The following RNF34 variants were observed in gnomAD, a reference collection of about 807,000 sequenced individuals.
RNF34 encodes the protein ring finger protein 34, also known as E3 ubiquitin-protein ligase RNF34.
A neutral mutation model predicts 37.9 loss-of-function variants in RNF34; 12 were observed. That is an observed-to-expected ratio of 0.32 (90% CI 0.20 to 0.51). The LOEUF (loss-of-function observed/expected upper bound fraction) is 0.51. Ranked by LOEUF, RNF34 falls within the 20% of genes least tolerant of loss-of-function variation. RNF34 has a pLI of 0.97. For missense variants in RNF34, 362 were observed against 472.7 expected, an observed-to-expected ratio of 0.77 and a Z score of 2.17; for synonymous variants, 155 against 177.2, an observed-to-expected ratio of 0.87 and a Z score of 1.00.
At chr12:121,408,977 T>C (rs1195363307) in intron 1 of RNF34, among the ~76,000 whole-genome samples, 1 of 151,912 alleles carries the variant, frequency 6.6e-6, no homozygotes, top group Non-Finnish European at 1.5e-5. Context: ...GGTGACCCTT[T>C]CTTTTTTTTT....
At chr12:121,401,256 A>G (rs1361207891) in intron 1 of RNF34, among the ~76,000 whole-genome samples, 1 of 151,786 alleles carries the variant, frequency 6.6e-6, no homozygotes, top group African/African-American at 2.4e-5. Flanking sequence ...AAGAGAAGTA[A>G]TTCAAAATAC....
At position 121,400,173 on chromosome 12, in the gene RNF34, G is replaced by A. The variant is rs782732941; in HGVS notation, c.-40G>A. On this transcript the variant is annotated 5_prime_UTR_variant, in exon 1 of 6. Transcript: ENST00000361234. ...GTGTGAGGAGCTGCTATGGTGCTGAGTTTCCTGGTAGAGCCGGCCGAGCTG... is the reference window on the plus strand; with the variant it reads ...GTGTGAGGAGCTGCTATGGTGCTGAATTTCCTGGTAGAGCCGGCCGAGCTG... 41 of 1,605,154 alleles carry A rather than the reference G, an allele frequency of 2.6e-5. No individual in the cohort carries two copies. Among genetic ancestry groups the A allele is most frequent in the Non-Finnish European group, 3.3e-5 (39 of 1,177,948 alleles).
intron 1 of RNF34, chr12:121,405,257 A>G (rs1380711243): frequency 6.6e-6 from 1 of 152,172 alleles, no homozygotes; most frequent in African/African-American, 2.4e-5. Flanking sequence ...GGACTTGAAT[A>G]TTGAGGAGTT....
At chr12:121,411,208 G>A (rs1443415053) in intron 1 of RNF34, among the ~76,000 whole-genome samples, 2 of 152,122 alleles carry the variant, frequency 1.3e-5, no homozygotes, top group Non-Finnish European at 2.9e-5. Flanking sequence ...GATTACAGGT[G>A]TGAGCCACCA....
rs782736436 is a variant in RNF34, at chr12:121,417,720, C to T, written c.442C>T (p.Leu148=). 4.3e-6 allele frequency: 7 copies of T among 1,614,070 alleles called. No individual in the cohort carries two copies. The South Asian group carries it at 5.5e-5, about 13-fold the overall frequency. The change falls in exon 3 of 6, where the codon CTG becomes TTG. Residue 148 remains leucine, a synonymous_variant. Transcript: ENST00000361234. The surrounding 1 kb of genome is among the most constrained non-coding windows in gnomAD (Gnocchi z 5.0). ...REKEDLVDLV[L]CHHGLGSEDD... ...GAAAGAAGACTTGGTGGATCTAGTACTGTGCCATCATGGACTAGGCTCTGA... is the reference window on the plus strand; with the variant it reads ...GAAAGAAGACTTGGTGGATCTAGTATTGTGCCATCATGGACTAGGCTCTGA...
intron 1 of RNF34, among the ~76,000 whole-genome samples, chr12:121,400,555 C>T (rs1555279872): frequency 6.6e-6 from 1 of 152,236 alleles, no homozygotes; most frequent in Admixed American, 6.5e-5. Flanking sequence ...TCGCCTGAGC[C>T]TCGGTCCCTT....
chr12:121,421,820 T>G (rs1201101795), intron 5 of RNF34, among the ~76,000 whole-genome samples: 1 of 152,218 alleles, frequency 6.6e-6, no homozygotes, highest in African/African-American at 2.4e-5. Context: ...ACAAATCTTA[T>G]GTTCCTATCT....
chr12:121,402,648 G>A (rs1870109662), intron 1 of RNF34: 7 of 681,544 alleles, frequency 1.0e-5, no homozygotes, highest in Non-Finnish European at 1.5e-5. Flanking sequence ...ACCATTAATT[G>A]TGCTAATCTG....
At chr12:121,416,792 A>G (rs533153209) in intron 2 of RNF34, among the ~76,000 whole-genome samples, 1 of 152,364 alleles carries the variant, frequency 6.6e-6, no homozygotes, top group South Asian at 2.1e-4. Context: ...TTAGAGATTC[A>G]ACATCAAATA....
At chr12:121,404,387 C>CTTT (rs782225104) in intron 1 of RNF34, among the ~76,000 whole-genome samples, 3,254 of 65,792 alleles carry the variant, frequency 0.049, 73 homozygotes, top group East Asian at 0.062. Flanking sequence ...GTCATTTAAT[C>CTTT]TTTTTTTTTT....
intron 1 of RNF34, among the ~76,000 whole-genome samples, chr12:121,401,570 T>C (rs1209974859): frequency 6.6e-6 from 1 of 152,184 alleles, no homozygotes; most frequent in Non-Finnish European, 1.5e-5. Flanking sequence ...AGTAGCTTTA[T>C]TTCCTGAAAA....
At chr12:121,414,711 C>A (rs1385322153) in intron 1 of RNF34, among the ~76,000 whole-genome samples, 1 of 151,990 alleles carries the variant, frequency 6.6e-6, no homozygotes, top group Admixed American at 6.5e-5. Context: ...CTCGCTCTGT[C>A]GCCCAGCCTG....
intron 1 of RNF34, chr12:121,415,224 T>C (rs1425417063): frequency 7.2e-5 from 18 of 248,432 alleles, no homozygotes; most frequent in Admixed American, 6.8e-4. Flanking sequence ...TTTCAGTTGG[T>C]GTTTTGATGT....
chr12:121,422,029 C>T (rs145599445), intron 5 of RNF34, among the ~76,000 whole-genome samples: 2 of 152,336 alleles, frequency 1.3e-5, no homozygotes, highest in Admixed American at 1.3e-4. Flanking sequence ...AGGTCGTAGG[C>T]TGCTGGCTGG....
intron 5 of RNF34, among the ~76,000 whole-genome samples, chr12:121,421,327 A>G (rs2137165045): frequency 1.5e-5 from 2 of 137,066 alleles, no homozygotes; most frequent in East Asian, 4.8e-4. Context: ...ACTTGAGCCC[A>G]GGAGTTTGAG....
At position 121,418,273 on chromosome 12, in the gene RNF34, AAAAC is replaced by A. The variant is rs782430114; in HGVS notation, c.633+365_633+368del. The A allele has an allele frequency of 7.8e-5, 15 of 192,716 alleles. No individual in the cohort carries two copies. The East Asian group carries it at 9.6e-4, about 12-fold the overall frequency. 11.9% of individuals were successfully genotyped at this position (192,716 alleles called of 1,614,324 possible). A position where few individuals can be genotyped will look rare whatever the true frequency, so the allele number is the denominator to read the frequency against. On this transcript the variant is annotated intron_variant, in intron 3 of 5. Transcript: ENST00000361234. ...AGTGCACGTGTTTCAGTGACCACAG[AAAAC>A]AATCAGTAGTGTAAGTTAGCCTAAT...
At chr12:121,420,122 T>G in intron 3 of RNF34, 120 bp from the exon 4 acceptor site, 1 of 893,272 alleles carries the variant, frequency 1.1e-6, no homozygotes, top group Non-Finnish European at 1.8e-6. Context: ...GCATTCTGAA[T>G]CCAAAGATGT....
chr12:121,405,366 G>C (rs554257671), intron 1 of RNF34, among the ~76,000 whole-genome samples: 1 of 151,862 alleles, frequency 6.6e-6, no homozygotes, highest in Non-Finnish European at 1.5e-5. Context: ...CACTCAACTA[G>C]CTGGTAAGCT....
chr12:121,411,778 C>T (rs1254893215), intron 1 of RNF34, among the ~76,000 whole-genome samples: 1 of 152,088 alleles, frequency 6.6e-6, no homozygotes, highest in African/African-American at 2.4e-5. Context: ...CACTGTAGTC[C>T]AGGAGGCAAC....
Sources: gnomAD v4.1 joint callset for allele counts (sites outside exome capture counted in the v4.1 genomes callset) on GRCh38, gnomAD v4.1.1 for gene constraint, Gnocchi (gnomAD v3.1) non-coding constraint, MANE v1.5 for transcripts, NCBI Gene and HGNC (gene_info 2026-07-23, HGNC 2026-07-21) for gene names.